Variants in USP30 observed in about 807,000 individuals in gnomAD.
The protein encoded by USP30 is ubiquitin specific peptidase 30.
USP30 carries 41 observed loss-of-function variants against 68.2 expected under a neutral mutation model. That is an observed-to-expected ratio of 0.60 (90% CI 0.47 to 0.78). The LOEUF (loss-of-function observed/expected upper bound fraction) is 0.78, where lower values mean the gene tolerates loss of function less well. Ranked by LOEUF, USP30 falls within the 30% of genes least tolerant of loss-of-function variation. USP30 has a pLI of 0.00. For synonymous variants in USP30, 229 were observed against 253.7 expected (o/e 0.90, Z 0.93); for missense variants, 522 against 649.4 (o/e 0.80, Z 2.13).
intron 1 of USP30, chr12:109,054,004 T>C (rs1349656673): frequency 2.2e-6 from 1 of 455,968 alleles, no homozygotes; most frequent in African/African-American, 2.0e-5. Flanking sequence ...ATGAAAGTGA[T>C]AGTAGAACCT....
intron 7 of USP30, among the ~76,000 whole-genome samples, chr12:109,076,837 T>C (rs578200775): frequency 1.2e-3 from 184 of 150,454 alleles, no homozygotes; most frequent in African/African-American, 4.2e-3. Context: ...GTTCACGCCA[T>C]TCTCCTGCCT....
chr12:109,081,330 T>C lies in USP30; in HGVS notation c.721-4T>C. On this transcript the variant is annotated splice_region_variant and splice_polypyrimidine_tract_variant and intron_variant, in intron 7 of 12. Transcript: ENST00000257548. ...TTCTGGATTTTCTGCAATATTTCTT[T>C]CAGAGTCCTGTTCGATTTGATACCT... 6.2e-7 allele frequency: 1 copy of C among 1,614,122 alleles called. No individual in the cohort carries two copies. The highest frequency in any genetic ancestry group is 2.2e-5 in the East Asian group (1 of 44,884).
intron 3 of USP30, among the ~76,000 whole-genome samples, 156 bp downstream of exon 3, chr12:109,058,264 G>C (rs765292681): frequency 5.9e-5 from 9 of 152,072 alleles, no homozygotes; most frequent in Non-Finnish European, 1.2e-4. Flanking sequence ...ATACAAACAA[G>C]TATTTTTTAA....
chr12:109,082,836 C>T lies in USP30; in HGVS notation c.949-7C>T. ...CTCGGTTCTCCCGATTTCTCTTCCA[C>T]CCGCAGCTCCCTCAGTGTCTCTGCA... On this transcript the variant is annotated splice_polypyrimidine_tract_variant and splice_region_variant and intron_variant, in intron 10 of 12. Coordinates refer to ENST00000257548, the MANE Select transcript of USP30 (RefSeq NM_032663.5). 3 of 1,612,390 alleles carry T rather than the reference C, an allele frequency of 1.9e-6. No homozygotes were observed. Among genetic ancestry groups the T allele is most frequent in the Non-Finnish European group, 1.7e-6 (2 of 1,178,740 alleles).
chr12:109,040,302 ACTGCTATGTT>A (rs1431387882), intron 3 of USP30, among the ~76,000 whole-genome samples: 18 of 152,302 alleles, frequency 1.2e-4, no homozygotes, highest in Admixed American at 4.6e-4. Flanking sequence ...TAGGCATCAC[ACTGCTATGTT>A]CTGATCCACT....
At chr12:109,080,144 T>C (rs1405014493) in intron 7 of USP30, among the ~76,000 whole-genome samples, 1 of 152,174 alleles carries the variant, frequency 6.6e-6, no homozygotes, top group Non-Finnish European at 1.5e-5. Flanking sequence ...GGATCAGCCC[T>C]GGAATTGAAC....
chr12:109,029,990 C>G (rs1230069434), intron 3 of USP30, among the ~76,000 whole-genome samples: 1 of 152,190 alleles, frequency 6.6e-6, no homozygotes, highest in Admixed American at 6.5e-5. Flanking sequence ...CTTAAACAAG[C>G]AAATAGTTTA....
chr12:109,049,366 G>C (rs537714071), upstream of USP30, among the ~76,000 whole-genome samples: 7 of 152,214 alleles, frequency 4.6e-5, no homozygotes, highest in Admixed American at 2.6e-4. Context: ...TGAGAGAGAG[G>C]GGGGAACAGC....
chr12:109,079,339 C>CTTTTTTTTTTTTTTTTTTTTTTTTTTTT (rs750712233), intron 7 of USP30, among the ~76,000 whole-genome samples: 32 of 62,270 alleles, frequency 5.1e-4, no homozygotes, highest in Admixed American at 9.4e-4. Context: ...TTTTCTTTTT[C>CTTTTTTTTTTTTTTTTTTTTTTTTTTTT]TTTTTTTTTT....
At chr12:109,029,839 G>A (rs1239267697) in intron 3 of USP30, among the ~76,000 whole-genome samples, 1 of 152,034 alleles carries the variant, frequency 6.6e-6, no homozygotes, top group African/African-American at 2.4e-5. Flanking sequence ...GGGTAGGGCC[G>A]GTTCCTAGAA....
intron 2 of USP30, chr12:109,027,332 G>A (rs1436160109): frequency 6.6e-6 from 1 of 152,152 alleles, no homozygotes; most frequent in Non-Finnish European, 1.5e-5. Context: ...AGGTTGACGT[G>A]CAGTGATGCA....
Position 109,083,014 on chromosome 12 carries a change from C to G in USP30, c.1120C>G (p.Pro374Ala). 6.2e-7 allele frequency: 1 copy of G among 1,614,038 alleles called. No homozygotes were observed. Among genetic ancestry groups the G allele is most frequent in the Non-Finnish European group, 8.5e-7 (1 of 1,179,924 alleles). ...SQHNPKLNKN[P>A]GPTLELQDGP... ...ACACAACCCTAAACTGAACAAGAAC[C>G]CAGGGCCTACACTGGAGCTGCAGGA... The change falls in exon 11 of 13, where the codon CCA (proline) becomes GCA (alanine). Residue 374 changes from proline (P) to alanine (A), a missense_variant. Coordinates refer to ENST00000257548, the MANE Select transcript of USP30 (RefSeq NM_032663.5).
At chr12:109,055,400 A>ATATATATATATTTTTT (rs1298811530) in intron 1 of USP30, among the ~76,000 whole-genome samples, 1 of 24,474 alleles carries the variant, frequency 4.1e-5, no homozygotes, top group African/African-American at 1.1e-4. Flanking sequence ...ATATATATAT[A>ATATATATATATTTTTT]TTTTTTTTTT....
upstream of USP30, among the ~76,000 whole-genome samples, chr12:109,048,890 TTCTG>T (rs1445900077): frequency 6.6e-6 from 1 of 152,230 alleles, no homozygotes; most frequent in Non-Finnish European, 1.5e-5. Flanking sequence ...AAACAGTCCA[TTCTG>T]TCTGTCTTAT....
chr12:109,071,548 G>T, intron 4 of USP30, 64 bp from the exon 5 acceptor site: 1 of 1,378,754 alleles, frequency 7.3e-7, no homozygotes, highest in Non-Finnish European at 1.0e-6. Flanking sequence ...TGCCCGAGGT[G>T]GGTAGTTCTG....
chr12:109,078,598 CAAA>C (rs1184044024), intron 7 of USP30, among the ~76,000 whole-genome samples: 1 of 115,932 alleles, frequency 8.6e-6, no homozygotes, highest in Admixed American at 9.0e-5. Context: ...GACTCCATCT[CAAA>C]AAAAAAAAAA....
intron 7 of USP30, among the ~76,000 whole-genome samples, chr12:109,080,410 G>A (rs1403825341): frequency 1.3e-5 from 2 of 152,074 alleles, no homozygotes; most frequent in African/African-American, 4.8e-5. Flanking sequence ...GTAGCTCTCC[G>A]TTCATTCAAA....
upstream of USP30, among the ~76,000 whole-genome samples, chr12:109,048,179 G>A (rs1018773727): frequency 1.9e-4 from 28 of 150,772 alleles, no homozygotes; most frequent in African/African-American, 6.6e-4. Flanking sequence ...TCTAACTCCT[G>A]GGCTCAAGCA....
At position 109,088,012 on chromosome 12, in the gene USP30, G is replaced by A; in HGVS notation, c.*2081G>A. On this transcript the variant is annotated 3_prime_UTR_variant, in exon 13 of 13. Transcript: ENST00000257548. This position sits in a 1 kb window ranked among gnomAD's most constrained non-coding sequence, Gnocchi z 4.2. ...ATTATAGCAATAAAATAATCATTTT[G>A]TTAGAAAAAAATCACCTGGTGTTCT... 2.0e-6 allele frequency: 1 copy of A among 494,378 alleles called. No homozygotes were observed. The highest frequency in any genetic ancestry group is 3.5e-6 in the Non-Finnish European group (1 of 283,574). 30.6% of individuals were successfully genotyped at this position (494,378 alleles called of 1,614,324 possible). A position where few individuals can be genotyped will look rare whatever the true frequency, so the allele number is the denominator to read the frequency against.
Sources: gnomAD v4.1 joint callset for allele counts (sites outside exome capture counted in the v4.1 genomes callset) on GRCh38, gnomAD v4.1.1 for gene constraint, Gnocchi (gnomAD v3.1) non-coding constraint, MANE v1.5 for transcripts, NCBI Gene and HGNC (gene_info 2026-07-23, HGNC 2026-07-21) for gene names.